TENM3: variants seen among roughly 807,000 people sequenced by gnomAD.
TENM3 encodes the protein teneurin transmembrane protein 3.
TENM3 carries 63 observed loss-of-function variants against 255.1 expected under a neutral mutation model. That is an observed-to-expected ratio of 0.25 (90% CI 0.20 to 0.30). The LOEUF is 0.30. Ranked by LOEUF, TENM3 falls within the 10% of genes least tolerant of loss-of-function variation. The pLI is 1.00. For missense variants in TENM3, 2,929 were observed against 3,461.1 expected, an observed-to-expected ratio of 0.85 and a Z score of 3.86; for synonymous variants, 1,306 against 1,322.3, an observed-to-expected ratio of 0.99 and a Z score of 0.27.
chr4:181,496,609 CAT>C, the TENM3 span, among the ~76,000 whole-genome samples: 1 of 152,118 alleles, frequency 6.6e-6, no homozygotes, highest in Non-Finnish European at 1.5e-5. Flanking sequence ...TAAAAAAAAT[CAT>C]AGTTTATCTG....
chr4:182,579,845 C>T (rs1024396090), intron 3 of TENM3, among the ~76,000 whole-genome samples: 1 of 152,120 alleles, frequency 6.6e-6, no homozygotes. Context: ...AACATTCATA[C>T]TAGTATAATT....
At chr4:182,705,924 G>T (rs997227362) in intron 12 of TENM3, among the ~76,000 whole-genome samples, 3 of 152,072 alleles carry the variant, frequency 2.0e-5, no homozygotes, top group African/African-American at 7.2e-5. Flanking sequence ...GGATTTTTTA[G>T]AACAGATGAC....
At chr4:182,158,126 G>T (rs763442593) in intron 1 of TENM3, among the ~76,000 whole-genome samples, 3 of 152,160 alleles carry the variant, frequency 2.0e-5, no homozygotes, top group Non-Finnish European at 2.9e-5. Flanking sequence ...AAGGGCACAC[G>T]CTTTCTCCAA....
At chr4:182,547,359 C>A (rs1741550688) in intron 3 of TENM3, among the ~76,000 whole-genome samples, 1 of 152,060 alleles carries the variant, frequency 6.6e-6, no homozygotes, top group African/African-American at 2.4e-5. Flanking sequence ...TATGTGCTGT[C>A]ATGAATATGA....
At chr4:182,293,303 C>T (rs888862288) in intron 1 of TENM3, among the ~76,000 whole-genome samples, 1 of 152,198 alleles carries the variant, frequency 6.6e-6, no homozygotes, top group African/African-American at 2.4e-5. Flanking sequence ...TCCATCCAAA[C>T]CAGACTTGCT....
intron 4 of TENM3, among the ~76,000 whole-genome samples, chr4:182,605,247 A>T (rs367993229): frequency 5.3e-5 from 8 of 152,190 alleles, no homozygotes; most frequent in Non-Finnish European, 1.2e-4. Context: ...TACAACTTCA[A>T]GTAAAATATG....
At chr4:182,556,254 A>T (rs1742576482) in intron 3 of TENM3, among the ~76,000 whole-genome samples, 1 of 152,208 alleles carries the variant, frequency 6.6e-6, no homozygotes, top group African/African-American at 2.4e-5. Context: ...GTTGGCTGAG[A>T]TTGCAATGCA....
chr4:182,256,295 T>C (rs537251944), intron 1 of TENM3, among the ~76,000 whole-genome samples: 1 of 152,340 alleles, frequency 6.6e-6, no homozygotes, highest in East Asian at 1.9e-4. Context: ...CCTGTCTTCA[T>C]TGTGGGGCTA....
intron 5 of TENM3, among the ~76,000 whole-genome samples, chr4:182,631,909 A>G (rs1444058120): frequency 1.3e-5 from 2 of 152,212 alleles, no homozygotes; most frequent in Non-Finnish European, 2.9e-5. Flanking sequence ...GTCTCAGGAT[A>G]GACAAGGTGA....
At chr4:182,019,436 G>A in the TENM3 span, among the ~76,000 whole-genome samples, 1 of 152,152 alleles carries the variant, frequency 6.6e-6, no homozygotes, top group Non-Finnish European at 1.5e-5. Flanking sequence ...TTTGCTATAT[G>A]TGTGATGTCT....
At chr4:181,888,503 T>TGTATATATATATATATAA in the TENM3 span, among the ~76,000 whole-genome samples, 1 of 25,608 alleles carries the variant, frequency 3.9e-5, no homozygotes, top group Non-Finnish European at 7.6e-5. Context: ...TGTATATATA[T>TGTATATATATATATATAA]ATATATATAT....
intron 4 of TENM3, among the ~76,000 whole-genome samples, chr4:182,626,347 A>G (rs909188737): frequency 3.9e-5 from 6 of 152,220 alleles, no homozygotes; most frequent in Non-Finnish European, 5.9e-5. Context: ...TCTTCAAATT[A>G]TACTTTTTTG....
At chr4:182,050,739 G>T in the TENM3 span, among the ~76,000 whole-genome samples, 3 of 152,138 alleles carry the variant, frequency 2.0e-5, no homozygotes, top group African/African-American at 7.2e-5. Context: ...CAGAGACAAA[G>T]GTTGCAGTAA....
intron 1 of TENM3, among the ~76,000 whole-genome samples, chr4:182,256,437 T>C (rs1758401869): frequency 2.0e-5 from 3 of 152,212 alleles, no homozygotes; most frequent in Non-Finnish European, 4.4e-5. Flanking sequence ...TGACTATATA[T>C]ATAAGCAGTT....
the TENM3 span, among the ~76,000 whole-genome samples, chr4:182,123,750 C>T: frequency 1.3e-5 from 2 of 152,126 alleles, no homozygotes; most frequent in African/African-American, 2.4e-5. Context: ...AGTGAGCACA[C>T]GCTGTTGGAA....
In TENM3 at chr4:182,639,958, C is replaced by T. The variant is rs533681775; in HGVS notation, c.988+11069C>T. Among the ~76,000 whole-genome samples the T allele has an allele frequency of 1.6e-4, 24 of 152,150 alleles. No individual in the cohort carries two copies. In the South Asian group the frequency reaches 3.5e-3, roughly 22 times the overall value. On this transcript the variant is annotated intron_variant, in intron 5 of 27. Transcript: ENST00000511685. ...ACAAAAAATTAGCCGGGCGTGGTGG[C>T]GCGCACCTGTAGTCCCAGCTACTCG...
intron 3 of TENM3, among the ~76,000 whole-genome samples, chr4:182,389,234 T>G (rs1419144359): frequency 6.6e-6 from 1 of 152,088 alleles, no homozygotes; most frequent in Non-Finnish European, 1.5e-5. Flanking sequence ...AGTTTTGTGT[T>G]TCCACTAATC....
chr4:181,888,496 ATATATATATATATATATATG>A, the TENM3 span, among the ~76,000 whole-genome samples: 4,168 of 24,696 alleles, frequency 0.17, 477 homozygotes, highest in African/African-American at 0.34. Flanking sequence ...AGAAATGTGT[ATATATATATATATATATATG>A]TATATATATA....
the TENM3 span, among the ~76,000 whole-genome samples, chr4:181,641,805 C>CATACATAT: frequency 8.6e-4 from 27 of 31,438 alleles, no homozygotes; most frequent in African/African-American, 3.5e-3. Flanking sequence ...ACACACACAC[C>CATACATAT]ATATATATAT....
Sources: allele counts gnomAD v4.1 joint callset (sites outside exome capture counted in the v4.1 genomes callset), GRCh38; gene constraint gnomAD v4.1.1; transcripts MANE v1.5; gene names NCBI Gene and HGNC (gene_info 2026-07-23, HGNC 2026-07-21).